Variants in UBE2D2 observed in about 807,000 individuals in gnomAD.
UBE2D2 encodes ubiquitin conjugating enzyme E2 D2.
Under a neutral mutation model 24.2 loss-of-function variants are expected in UBE2D2, and 2 were observed. The ratio of observed to expected loss-of-function variants is 0.08; its 90% CI spans 0.03 to 0.26. UBE2D2 has a LOEUF of 0.26. Ranked by LOEUF, UBE2D2 falls within the 10% of genes least tolerant of loss-of-function variation. The probability of loss-of-function intolerance (pLI) is 1.00; values close to 1 mark genes in which losing one functional copy is unlikely to be tolerated. For missense variants in UBE2D2, 44 were observed against 177.6 expected, an observed-to-expected ratio of 0.25 and a Z score of 4.28; for synonymous variants, 58 against 56.5, an observed-to-expected ratio of 1.03 and a Z score of -0.12.
At chr5:139,537,919 G>A (rs56250037) in intron 1 of UBE2D2, among the ~76,000 whole-genome samples, 1 of 151,020 alleles carries the variant, frequency 6.6e-6, no homozygotes, top group Non-Finnish European at 1.5e-5. Context: ...AGCTGAGATC[G>A]TGCCACTGCA....
intron 1 of UBE2D2, chr5:139,600,166 T>G (rs959410203): frequency 3.1e-6 from 2 of 653,082 alleles, no homozygotes; most frequent in African/African-American, 3.6e-5. Context: ...AAAGCAAAAA[T>G]GACCCACTTT....
At chr5:139,560,443 GCCTTGGCCTC>G (rs966622811), upstream of UBE2D2, among the ~76,000 whole-genome samples, 3 of 152,026 alleles carry the variant, frequency 2.0e-5, no homozygotes, top group African/African-American at 7.2e-5. Flanking sequence ...TGATCCGCCT[GCCTTGGCCTC>G]CCAAAGTGCT....
chr5:139,561,755 T>C lies in UBE2D2; in HGVS notation c.-37T>C, dbSNP rs1019327262. 200 of 1,087,066 alleles carry C rather than the reference T, an allele frequency of 1.8e-4. No individual in the cohort carries two copies. Among genetic ancestry groups the C allele is most frequent in the Middle Eastern group, 2.7e-4 (1 of 3,766 alleles). 67.3% of individuals were successfully genotyped at this position (1,087,066 alleles called of 1,614,324 possible). A position where few individuals can be genotyped will look rare whatever the true frequency, so the allele number is the denominator to read the frequency against. Reference sequence around the variant, plus strand: ...CTTCCCCGTCCCTTCCCCGCCCCCGTCCCCGCCCCGGGGGCCGCCGCCACC... The same window carrying C: ...CTTCCCCGTCCCTTCCCCGCCCCCGCCCCCGCCCCGGGGGCCGCCGCCACC... On this transcript the variant is annotated 5_prime_UTR_variant, in exon 1 of 7. Coordinates refer to ENST00000398733, the MANE Select transcript of UBE2D2 (RefSeq NM_003339.3).
At chr5:139,573,858 C>G (rs1753405846) in intron 1 of UBE2D2, among the ~76,000 whole-genome samples, 2 of 152,038 alleles carry the variant, frequency 1.3e-5, no homozygotes, top group South Asian at 4.1e-4. Context: ...GTAATCCCAG[C>G]TACTTGAGAG....
At chr5:139,554,102 T>C (rs1033943883) in intron 1 of UBE2D2, among the ~76,000 whole-genome samples, 1 of 152,138 alleles carries the variant, frequency 6.6e-6, no homozygotes, top group African/African-American at 2.4e-5. Context: ...GTTTTGACAA[T>C]TGTATAAACT....
At chr5:139,604,218 A>G (rs1197494029) in intron 2 of UBE2D2, among the ~76,000 whole-genome samples, 2 of 147,200 alleles carry the variant, frequency 1.4e-5, no homozygotes, top group Non-Finnish European at 3.0e-5. Context: ...TTGGCTCACT[A>G]TAACCTTCGC....
chr5:139,626,894 G>A lies in UBE2D2; in HGVS notation c.*93G>A, dbSNP rs1754640593. On this transcript the variant is annotated 3_prime_UTR_variant, in exon 7 of 7. Transcript: ENST00000398733. ...ATTTCCATTTGACTGCTTTCTATGA[G>A]CCCACGCCTCATCTTCCCCTGTGCA... is the stretch of plus-strand genomic sequence containing the variant. The A allele has an allele frequency of 9.5e-7, 1 of 1,052,180 alleles. No individual in the cohort carries two copies. The highest frequency in any genetic ancestry group is 1.6e-5 in the African/African-American group (1 of 62,724). 65.2% of individuals were successfully genotyped at this position (1,052,180 alleles called of 1,614,324 possible).
In UBE2D2 at chr5:139,614,764, A is replaced by G; in HGVS notation, c.188A>G (p.Lys63Arg). Residue 63 changes from lysine (K) to arginine (R), a missense_variant, in exon 4 of 7, where the codon AAA (lysine) becomes AGA (arginine). By Grantham distance (26) the Lys-to-Arg change is conservative (BLOSUM62 2). Coordinates refer to ENST00000398733, the MANE Select transcript of UBE2D2 (RefSeq NM_003339.3). ...TIHFPTDYPF[K>R]PPKVAFTTRI... The stretch of plus-strand genomic sequence containing the variant: ...CATTTCCCAACAGATTACCCCTTCA[A>G]ACCACCTAAGGTAATTAATTGGAAT... 1 of 1,613,890 alleles carries G rather than the reference A, an allele frequency of 6.2e-7. No homozygotes were observed. Among genetic ancestry groups the G allele is most frequent in the Non-Finnish European group, 8.5e-7 (1 of 1,179,856 alleles).
chr5:139,611,881 A>G (rs777967044), intron 2 of UBE2D2: 6 of 152,094 alleles, frequency 3.9e-5, no homozygotes, highest in Non-Finnish European at 7.4e-5. Flanking sequence ...TCGCAGTCAT[A>G]TATGTAGTTA....
intron 1 of UBE2D2, among the ~76,000 whole-genome samples, chr5:139,564,219 T>C (rs1753169580): frequency 6.6e-6 from 1 of 152,104 alleles, no homozygotes; most frequent in East Asian, 1.9e-4. Context: ...AATGGCACGA[T>C]CTCAGCTCAC....
intron 1 of UBE2D2, among the ~76,000 whole-genome samples, chr5:139,592,779 T>C (rs896325671): frequency 2.7e-5 from 4 of 150,824 alleles, no homozygotes; most frequent in African/African-American, 9.8e-5. Context: ...ATTTTTTGTA[T>C]TTTTAGTAGA....
rs945687576 is a variant in UBE2D2, at chr5:139,587,839, T to C, written c.25-12533T>C. Among the ~76,000 whole-genome samples the C allele has an allele frequency of 1.6e-4, 25 of 152,166 alleles. 1 individual carries two copies. The highest frequency in any genetic ancestry group is 5.9e-5 in the Non-Finnish European group (4 of 68,032). On this transcript the variant is annotated intron_variant, in intron 1 of 6. Transcript: ENST00000398733. Reference sequence around the variant, plus strand: ...ATATCCAGATCATTGTCCCTCCTGCTGTGCTCTCAGGCAGTAGATGATTAG... The same window carrying C: ...ATATCCAGATCATTGTCCCTCCTGCCGTGCTCTCAGGCAGTAGATGATTAG...
chr5:139,542,279 G>C (rs980157438), intron 1 of UBE2D2, among the ~76,000 whole-genome samples: 6 of 152,160 alleles, frequency 3.9e-5, no homozygotes, highest in African/African-American at 1.4e-4. Flanking sequence ...CAGGCTTACA[G>C]GCATGAGCCA....
chr5:139,528,243 TG>T (rs1200068172), intron 1 of UBE2D2, among the ~76,000 whole-genome samples: 2 of 152,190 alleles, frequency 1.3e-5, no homozygotes, highest in Admixed American at 6.5e-5. Flanking sequence ...GGTATTGTGG[TG>T]GACCTTTACT....
At chr5:139,581,701 A>G (rs1226213996) in intron 1 of UBE2D2, among the ~76,000 whole-genome samples, 1 of 151,940 alleles carries the variant, frequency 6.6e-6, no homozygotes, top group Admixed American at 6.6e-5. Context: ...TGGAGTCTCG[A>G]TCCGTCACCC....
At chr5:139,530,064 G>T (rs1023178506) in intron 1 of UBE2D2, among the ~76,000 whole-genome samples, 1 of 152,100 alleles carries the variant, frequency 6.6e-6, no homozygotes. Context: ...GAAGGAAAAG[G>T]ATTCACTCAT....
intron 1 of UBE2D2, among the ~76,000 whole-genome samples, chr5:139,540,252 G>A (rs768713002): frequency 2.4e-4 from 36 of 152,122 alleles, no homozygotes; most frequent in Non-Finnish European, 4.1e-4. Context: ...ACCATTGGGG[G>A]AAAATGGATG....
chr5:139,541,933 T>A (rs1752767401), intron 1 of UBE2D2, among the ~76,000 whole-genome samples: 1 of 151,974 alleles, frequency 6.6e-6, no homozygotes, highest in Non-Finnish European at 1.5e-5. Flanking sequence ...ACAACTGTAA[T>A]CCCAGCACTT....
chr5:139,549,733 C>T (rs1040930526), intron 1 of UBE2D2, among the ~76,000 whole-genome samples: 5 of 152,228 alleles, frequency 3.3e-5, no homozygotes, highest in Admixed American at 6.5e-5. Flanking sequence ...AGTGCAGCTG[C>T]GCAGAGCGGG....
Sources: gnomAD v4.1 joint callset for allele counts (sites outside exome capture counted in the v4.1 genomes callset) on GRCh38, gnomAD v4.1.1 for gene constraint, MANE v1.5 for transcripts, NCBI Gene and HGNC (gene_info 2026-07-23, HGNC 2026-07-21) for gene names.